The following GOLGB1 variants were observed in gnomAD, a reference collection of about 807,000 sequenced individuals.
GOLGB1 encodes the protein golgin subfamily B member 1.
GOLGB1 carries 174 observed loss-of-function variants against 336.9 expected under a neutral mutation model. That is an observed-to-expected ratio of 0.52 (90% CI 0.46 to 0.59). GOLGB1 has a LOEUF of 0.59. Among genes scored for constraint, GOLGB1 ranks in the 20% least tolerant of loss-of-function variants. The pLI is 0.00. For missense variants in GOLGB1, 3,331 were observed against 3,645.3 expected (o/e 0.91, Z 2.22); for synonymous variants, 1,208 against 1,289.2 (o/e 0.94, Z 1.35).
chr3:121,725,830 C>A lies in GOLGB1; in HGVS notation c.531+1083G>T, dbSNP rs368372452. On this transcript the variant is annotated intron_variant, in intron 5 of 21. Coordinates refer to ENST00000614479, the MANE Select transcript of GOLGB1 (RefSeq NM_001366282.2). ...GGTAGCTTTATAAGAAGAAGAGAGACCTGAGCTGGCAAATTAGCACACTCA... is the reference window on the plus strand; with the variant it reads ...GGTAGCTTTATAAGAAGAAGAGAGAACTGAGCTGGCAAATTAGCACACTCA... Among the ~76,000 whole-genome samples the A allele has an allele frequency of 1.4e-3, 209 of 151,978 alleles. 8 individuals are homozygous for A. The South Asian group carries it at 0.041, about 30-fold the overall frequency.
At chr3:121,684,127 C>CAAAAAAAAAAAAAAAAAAAAAAAAAAAAA (rs61510295) in intron 14 of GOLGB1, among the ~76,000 whole-genome samples, 2 of 10,912 alleles carry the variant, frequency 1.8e-4, no homozygotes, top group East Asian at 1.1e-3. Flanking sequence ...GACGCCGTCT[C>CAAAAAAAAAAAAAAAAAAAAAAAAAAAAA]AAAAAAAAAA....
rs1278114992 is a variant in GOLGB1 at position 121,749,627 on chromosome 3, C to T, written c.-3+5G>A. 1 of 152,330 alleles carries T rather than the reference C, an allele frequency of 6.6e-6. No individual in the cohort carries two copies. Among genetic ancestry groups the T allele is most frequent in the African/African-American group, 2.4e-5 (1 of 41,450 alleles). The allele number at this position is 152,330 out of a possible 1,614,324, so 9.4% of individuals were successfully genotyped here. A position where few individuals can be genotyped will look rare whatever the true frequency, so the allele number is the denominator to read the frequency against. On this transcript the variant is annotated splice_donor_5th_base_variant and intron_variant, in intron 1 of 21. Coordinates refer to ENST00000614479, the MANE Select transcript of GOLGB1 (RefSeq NM_001366282.2). ...GGGAAGAGTTGGGTAGCGTCCCCTACTCACCTAGAAGCGCTGCCGCCTGAG... is the reference window on the plus strand; with the variant it reads ...GGGAAGAGTTGGGTAGCGTCCCCTATTCACCTAGAAGCGCTGCCGCCTGAG...
At chr3:121,665,701 C>T (rs1413205663) in intron 20 of GOLGB1, among the ~76,000 whole-genome samples, 1 of 152,188 alleles carries the variant, frequency 6.6e-6, no homozygotes, top group African/African-American at 2.4e-5. Flanking sequence ...AACAAAGGAG[C>T]TGCATGTAAC....
intron 14 of GOLGB1, among the ~76,000 whole-genome samples, chr3:121,686,448 T>G (rs1171177304): frequency 6.6e-6 from 1 of 152,150 alleles, no homozygotes; most frequent in East Asian, 1.9e-4. Context: ...CAGTCCCTTT[T>G]ATTTTATCTT....
At position 121,692,599 on chromosome 3, in the gene GOLGB1, T is replaced by G. The variant is rs1406327511; in HGVS notation, c.6783-18A>C. The G allele has an allele frequency of 7.0e-7, 1 of 1,432,790 alleles. No individual in the cohort carries two copies. The highest frequency in any genetic ancestry group is 9.5e-7 in the Non-Finnish European group (1 of 1,056,320). 88.8% of individuals were successfully genotyped at this position (1,432,790 alleles called of 1,614,324 possible). Reference sequence around the variant, plus strand: ...GTTCAAGCCTGAAACAGAGAGAAGGTCATTAGTTACAGATTTCAAGAAAAA... The same window carrying G: ...GTTCAAGCCTGAAACAGAGAGAAGGGCATTAGTTACAGATTTCAAGAAAAA... On this transcript the variant is annotated intron_variant, in intron 13 of 21. Transcript: ENST00000614479.
chr3:121,691,987 C>T lies in GOLGB1; in HGVS notation c.7377G>A (p.Gln2459=), dbSNP rs375086085. The stretch of plus-strand genomic sequence containing the variant: ...CAAAGGAATCCAACTGTGCCTTTTG[C>T]TGAATGTTTTCCTTTTTGATGGTTT... The part of the protein sequence containing the change: ...TLKTIKKENI[Q]QKAQLDSFVK... The change falls in exon 14 of 22, where the codon CAG becomes CAA. Residue 2459 remains glutamine, a synonymous_variant. Transcript: ENST00000614479. 1.3e-4 allele frequency: 215 copies of T among 1,613,740 alleles called. No individual in the cohort carries two copies. The highest frequency in any genetic ancestry group is 1.8e-4 in the Non-Finnish European group (210 of 1,179,888).
intron 10 of GOLGB1, among the ~76,000 whole-genome samples, chr3:121,708,526 A>C (rs1245090556): frequency 6.6e-6 from 1 of 151,894 alleles, no homozygotes; most frequent in Non-Finnish European, 1.5e-5. Context: ...CCAGCTATTC[A>C]GGAGGCTGAG....
chr3:121,691,581 A>G lies in GOLGB1; in HGVS notation c.7783T>C (p.Phe2595Leu), dbSNP rs1263434710. The change falls in exon 14 of 22, where the codon TTT (phenylalanine) becomes CTT (leucine). Residue 2595 changes from phenylalanine to leucine, a missense_variant. Physicochemically the swap from Phe to Leu is conservative, Grantham distance 22. Coordinates refer to ENST00000614479, the MANE Select transcript of GOLGB1 (RefSeq NM_001366282.2). ...EEANEDLRRS[F>L]NALQEEKQDL... The stretch of plus-strand genomic sequence containing the variant: ...TGTTTCTCTTCTTGTAGGGCATTAA[A>G]GGACCTCCGCAGATCCTCATTTGCT... 6.2e-7 allele frequency: 1 copy of G among 1,613,786 alleles called. No homozygotes were observed. The highest frequency in any genetic ancestry group is 1.1e-5 in the South Asian group (1 of 91,016).
In GOLGB1 at chr3:121,677,310, G is replaced by A; in HGVS notation, c.9014C>T (p.Pro3005Leu). Reference protein sequence around the residue: ...ELRSSSSQTQPLKVQYQRQAS... With the variant: ...ELRSSSSQTQLLKVQYQRQAS... ...CTGTCTTTGGTATTGCACTTTGAGA[G>A]GCTGAGTCTGGGAGGAAGAAGACCT... is the stretch of plus-strand genomic sequence containing the variant. The change falls in exon 16 of 22, where the codon CCT (proline) becomes CTT (leucine). Residue 3005 changes from proline (P) to leucine (L), a missense_variant. Pro to Leu is a moderately conservative substitution (Grantham distance 98, BLOSUM62 -3). Coordinates refer to ENST00000614479, the MANE Select transcript of GOLGB1 (RefSeq NM_001366282.2). 2 of 1,611,124 alleles carry A rather than the reference G, an allele frequency of 1.2e-6. No homozygotes were observed. The highest frequency in any genetic ancestry group is 1.7e-6 in the Non-Finnish European group (2 of 1,177,708).
Position 121,694,946 on chromosome 3 carries a change from C to T in GOLGB1, c.5577G>A (p.Glu1859=), listed in dbSNP as rs1560227194. ...QLKERIAGLE[E]EKQKNKEFSQ... is the part of the protein sequence containing the mutation. ...TAAATTCCTTGTTTTTCTGCTTCTC[C>T]TCCTCTAATCCAGCAATTCTTTCTT... The change falls in exon 13 of 22, where the codon GAG becomes GAA. Residue 1859 remains glutamate (E), a synonymous_variant. Coordinates refer to ENST00000614479, the MANE Select transcript of GOLGB1 (RefSeq NM_001366282.2). The T allele has an allele frequency of 6.2e-7, 1 of 1,614,040 alleles. No homozygotes were observed. Among genetic ancestry groups the T allele is most frequent in the African/African-American group, 1.3e-5 (1 of 75,034 alleles).
At chr3:121,678,732 TA>T (rs1202590209) in intron 15 of GOLGB1, among the ~76,000 whole-genome samples, 3 of 152,170 alleles carry the variant, frequency 2.0e-5, no homozygotes, top group African/African-American at 7.2e-5. Flanking sequence ...CATGCCCAGC[TA>T]ATTTTTGTAT....
At chr3:121,673,146 T>C (rs929365972) in intron 17 of GOLGB1, among the ~76,000 whole-genome samples, 1 of 151,776 alleles carries the variant, frequency 6.6e-6, no homozygotes, top group African/African-American at 2.4e-5. Context: ...CTCGGCTCAC[T>C]GTAACTTCCA....
At chr3:121,712,754 A>G (rs891014587) in intron 10 of GOLGB1, among the ~76,000 whole-genome samples, 3 of 152,226 alleles carry the variant, frequency 2.0e-5, no homozygotes, top group African/African-American at 7.2e-5. Context: ...AACCACAATG[A>G]AATACCACTA....
intron 1 of GOLGB1, among the ~76,000 whole-genome samples, chr3:121,747,293 ATG>A (rs1263931706): frequency 1.4e-5 from 2 of 140,984 alleles, no homozygotes; most frequent in African/African-American, 5.3e-5. Flanking sequence ...ATGTATATAT[ATG>A]TGTATATATG....
intron 19 of GOLGB1, 64 bp downstream of exon 19, chr3:121,667,997 T>G: frequency 1.2e-6 from 1 of 802,372 alleles, no homozygotes; most frequent in Non-Finnish European, 2.0e-6. Flanking sequence ...CAGTTAAATC[T>G]AGATTACTGC....
intron 17 of GOLGB1, among the ~76,000 whole-genome samples, chr3:121,672,246 C>T (rs529590553): frequency 2.0e-5 from 3 of 152,220 alleles, no homozygotes; most frequent in Non-Finnish European, 4.4e-5. Flanking sequence ...ACATTGCTAA[C>T]AGTGTATGGG....
At chr3:121,716,609 G>T in intron 9 of GOLGB1, 128 bp downstream of exon 9, 1 of 722,368 alleles carries the variant, frequency 1.4e-6, no homozygotes, top group Non-Finnish European at 2.2e-6. Flanking sequence ...CAGAAGAGCT[G>T]TTTTTCTCAG....
chr3:121,716,411 G>A (rs1369062960), intron 9 of GOLGB1, among the ~76,000 whole-genome samples: 1 of 152,112 alleles, frequency 6.6e-6, no homozygotes, highest in Non-Finnish European at 1.5e-5. Context: ...GATCTGGCCT[G>A]AGTTTTCCAA....
Position 121,667,578 on chromosome 3 carries a change from G to A in GOLGB1, c.9452C>T (p.Thr3151Ile), listed in dbSNP as rs199705671. 1.2e-6 allele frequency: 2 copies of A among 1,613,794 alleles called. No individual in the cohort carries two copies. The highest frequency in any genetic ancestry group is 1.7e-6 in the Non-Finnish European group (2 of 1,179,724). Reference protein sequence around the residue: ...FSEAQQQLCNTRQEVNELRKL... With the variant: ...FSEAQQQLCNIRQEVNELRKL... Reference sequence around the variant, plus strand: ...CCTTAATTCATTCACTTCCTGTCTGGTGTTGCATAGCTGCTGCTGAGCTTC... The same window carrying A: ...CCTTAATTCATTCACTTCCTGTCTGATGTTGCATAGCTGCTGCTGAGCTTC... Residue 3151 changes from threonine (T) to isoleucine (I), a missense_variant, in exon 20 of 22, where the codon ACC becomes ATC. By Grantham distance (89) the Thr-to-Ile change is moderately conservative. Coordinates refer to ENST00000614479, the MANE Select transcript of GOLGB1 (RefSeq NM_001366282.2).
Sources: allele counts gnomAD v4.1 joint callset (sites outside exome capture counted in the v4.1 genomes callset), GRCh38; gene constraint gnomAD v4.1.1; transcripts MANE v1.5; gene names NCBI Gene and HGNC (gene_info 2026-07-23, HGNC 2026-07-21).